Variants in CARS1 observed in about 807,000 individuals in gnomAD.
CARS1 encodes the protein cysteinyl-tRNA synthetase 1.
Under a neutral mutation model 106.2 loss-of-function variants are expected in CARS1, and 48 were observed. The observed-to-expected ratio is 0.45, with a 90% CI of 0.36 to 0.57. The LOEUF is 0.57. CARS1 is among the 20% of genes least tolerant of loss of function. The pLI is 0.00. For missense variants in CARS1, 968 were observed against 1,057.2 expected, an observed-to-expected ratio of 0.92 and a Z score of 1.17; for synonymous variants, 409 against 403.4, an observed-to-expected ratio of 1.01 and a Z score of -0.17.
rs1253626966 is a variant in CARS1 at position 3,043,364 on chromosome 11, C to T, written c.275-1108G>A. 2.0e-5 allele frequency among the ~76,000 whole-genome samples: 3 copies of T among 152,030 alleles called. No individual in the cohort carries two copies. Among genetic ancestry groups the T allele is most frequent in the African/African-American group, 7.2e-5 (3 of 41,396 alleles). On this transcript the variant is annotated intron_variant, in intron 2 of 22. Transcript: ENST00000380525. The surrounding 1 kb of genome is among the most constrained non-coding windows in gnomAD (Gnocchi z 4.0). Reference sequence around the variant, plus strand: ...GGTACCTGGTGACTTTCCCGTTGCCCTCAGCCGGCTCCTGCCTGCCCTGCC... The same window carrying T: ...GGTACCTGGTGACTTTCCCGTTGCCTTCAGCCGGCTCCTGCCTGCCCTGCC...
In CARS1 at chr11:3,039,892, C is replaced by T. The variant is rs934770008; in HGVS notation, c.495G>A (p.Lys165=). ...ISFDILRRVL[K]DYFKFDVFYC... ...AAAAGACATCAAATTTGAAGTAATCCTTCAACACTCTTCTCAAGATATCAA... is the reference window on the plus strand; with the variant it reads ...AAAAGACATCAAATTTGAAGTAATCTTTCAACACTCTTCTCAAGATATCAA... Residue 165 remains lysine (K), a synonymous_variant, in exon 5 of 23, where the codon AAG becomes AAA. Coordinates refer to ENST00000380525, the MANE Select transcript of CARS1 (RefSeq NM_001014437.3). This position sits in a 1 kb window ranked among gnomAD's most constrained non-coding sequence, Gnocchi z 5.6. 1 of 1,590,622 alleles carries T rather than the reference C, an allele frequency of 6.3e-7. No individual in the cohort carries two copies. The highest frequency in any genetic ancestry group is 8.6e-7 in the Non-Finnish European group (1 of 1,167,654).
chr11:3,017,755 C>A lies in CARS1; in HGVS notation c.1727+102G>T. On this transcript the variant is annotated intron_variant, in intron 15 of 22. Coordinates refer to ENST00000380525, the MANE Select transcript of CARS1 (RefSeq NM_001014437.3). This position sits in a 1 kb window ranked among gnomAD's most constrained non-coding sequence, Gnocchi z 4.9. ...TCTGCACAACGTACGACAGTGTCCC[C>A]AGCCCTTCCTCGACAGTCCAGGACA... The A allele has an allele frequency of 1.3e-6, 1 of 771,776 alleles. No homozygotes were observed. Among genetic ancestry groups the A allele is most frequent in the South Asian group, 1.6e-5 (1 of 63,702 alleles). 47.8% of individuals were successfully genotyped at this position (771,776 alleles called of 1,614,324 possible).
intron 2 of CARS1, among the ~76,000 whole-genome samples, chr11:3,047,170 G>A (rs991834757): frequency 7.3e-5 from 11 of 151,624 alleles, no homozygotes; most frequent in South Asian, 2.1e-4. Context: ...CCAGCTACTC[G>A]GGAGGCTGAG....
At chr11:3,032,056 C>T (rs868809174) in intron 7 of CARS1, among the ~76,000 whole-genome samples, 7 of 11,542 alleles carry the variant, frequency 6.1e-4, no homozygotes, top group African/African-American at 1.3e-3. Flanking sequence ...CCCTCCCTCC[C>T]TCCCTCCTTC....
chr11:3,002,727 G>A (rs1849509099), intron 20 of CARS1, 127 bp from the exon 21 acceptor site: 2 of 1,473,728 alleles, frequency 1.4e-6, no homozygotes, highest in South Asian at 1.3e-5. Flanking sequence ...CTCTGACCAG[G>A]CCCTCCCCAC....
At position 3,053,920 on chromosome 11, in the gene CARS1, C is replaced by T. The variant is rs908448160; in HGVS notation, c.25+3423G>A. Among the ~76,000 whole-genome samples the T allele has an allele frequency of 6.6e-6, 1 of 152,186 alleles. No homozygotes were observed. Among genetic ancestry groups the T allele is most frequent in the Non-Finnish European group, 1.5e-5 (1 of 68,040 alleles). On this transcript the variant is annotated intron_variant, in intron 1 of 22. Coordinates refer to ENST00000380525, the MANE Select transcript of CARS1 (RefSeq NM_001014437.3). This position sits in a 1 kb window ranked among gnomAD's most constrained non-coding sequence, Gnocchi z 6.6. ...TCTTGTGGGTGTCCAGGCAACATCTCACCCTGCAGGTTACTCCCTTTCTGC... is the reference window on the plus strand; with the variant it reads ...TCTTGTGGGTGTCCAGGCAACATCTTACCCTGCAGGTTACTCCCTTTCTGC...
rs896401278 is a variant in CARS1 at position 3,021,738 on chromosome 11, C to T, written c.1154-1406G>A. ...ACAAACACACAAAAACACAAAAAACCTCTGCAAGCAAAATCCAGATCTATC... is the reference window on the plus strand; with the variant it reads ...ACAAACACACAAAAACACAAAAAACTTCTGCAAGCAAAATCCAGATCTATC... On this transcript the variant is annotated intron_variant, in intron 10 of 22. Transcript: ENST00000380525. The surrounding 1 kb of genome is among the most constrained non-coding windows in gnomAD (Gnocchi z 5.3). Among the ~76,000 whole-genome samples, 2 of 152,140 alleles carry T rather than the reference C, an allele frequency of 1.3e-5. No homozygotes were observed. Among genetic ancestry groups the T allele is most frequent in the African/African-American group, 4.8e-5 (2 of 41,434 alleles).
Position 3,040,779 on chromosome 11 carries a change from G to T in CARS1, c.455+117C>A. 2 of 1,049,136 alleles carry T rather than the reference G, an allele frequency of 1.9e-6. No individual in the cohort carries two copies. The highest frequency in any genetic ancestry group is 1.5e-5 in the South Asian group (1 of 65,778). 65.0% of individuals were successfully genotyped at this position (1,049,136 alleles called of 1,614,324 possible). A position where few individuals can be genotyped will look rare whatever the true frequency, so the allele number is the denominator to read the frequency against. On this transcript the variant is annotated intron_variant, in intron 4 of 22. Transcript: ENST00000380525. This position sits in a 1 kb window ranked among gnomAD's most constrained non-coding sequence, Gnocchi z 5.8. ...TTCAGTCTTGATTCCTCAAATCTCAGGTCTCTGTAGCAGATCTAAGATCTT... is the reference window on the plus strand; with the variant it reads ...TTCAGTCTTGATTCCTCAAATCTCATGTCTCTGTAGCAGATCTAAGATCTT...
chr11:3,005,303 TA>T, intron 20 of CARS1, 62 bp downstream of exon 20: 1 of 1,210,560 alleles, frequency 8.3e-7, no homozygotes, highest in Admixed American at 1.8e-5. Flanking sequence ...AACTATGTAA[TA>T]ATCGCAATGG....
At chr11:3,024,967 A>G (rs1197111119) in intron 10 of CARS1, among the ~76,000 whole-genome samples, 1 of 152,152 alleles carries the variant, frequency 6.6e-6, no homozygotes, top group Non-Finnish European at 1.5e-5. Context: ...AACCTTTCAT[A>G]TCCGTATTAA....
At position 3,028,945 on chromosome 11, in the gene CARS1, T is replaced by G; in HGVS notation, c.1031+51A>C. ...GGCTCAGAGCTGGGGAGCTCCTCCC[T>G]GTGCGATGTTCTGCAGCCCTTCCCT... On this transcript the variant is annotated intron_variant, in intron 9 of 22. Coordinates refer to ENST00000380525, the MANE Select transcript of CARS1 (RefSeq NM_001014437.3). This position sits in a 1 kb window ranked among gnomAD's most constrained non-coding sequence, Gnocchi z 4.4. 3.2e-6 allele frequency: 4 copies of G among 1,263,196 alleles called. No homozygotes were observed. Among genetic ancestry groups the G allele is most frequent in the Non-Finnish European group, 4.6e-6 (4 of 861,454 alleles). The allele number at this position is 1,263,196 out of a possible 1,614,324, so 78.2% of individuals were successfully genotyped here.
Position 3,047,896 on chromosome 11 carries a change from G to A in CARS1, c.131C>T (p.Ser44Phe), listed in dbSNP as rs1855271241. 1 of 1,614,192 alleles carries A rather than the reference G, an allele frequency of 6.2e-7. No homozygotes were observed. The highest frequency in any genetic ancestry group is 1.3e-5 in the African/African-American group (1 of 75,060). ...TRSYVQGYSL[S>F]QADVDAFRQL... ...CCTGAACGCGTCCACGTCTGCCTGGGACAGTGAGTACCCCTGGACATAGCT... is the reference window on the plus strand; with the variant it reads ...CCTGAACGCGTCCACGTCTGCCTGGAACAGTGAGTACCCCTGGACATAGCT... The change falls in exon 2 of 23, where the codon TCC becomes TTC. Residue 44 changes from serine to phenylalanine, a missense_variant. Ser to Phe is a radical substitution (Grantham distance 155). Coordinates refer to ENST00000380525, the MANE Select transcript of CARS1 (RefSeq NM_001014437.3).
intron 1 of CARS1, among the ~76,000 whole-genome samples, chr11:3,054,520 T>C (rs1286243582): frequency 6.6e-6 from 1 of 152,260 alleles, no homozygotes; most frequent in African/African-American, 2.4e-5. Context: ...TTTATTCTCG[T>C]CTGCCTTAAC....
intron 17 of CARS1, among the ~76,000 whole-genome samples, chr11:3,012,718 C>T (rs778320469): frequency 6.6e-6 from 1 of 152,120 alleles, no homozygotes; most frequent in South Asian, 2.1e-4. Flanking sequence ...GCTCCCGGGC[C>T]GTGCTTTCGT....
chr11:3,054,409 T>C (rs989936618), intron 1 of CARS1, among the ~76,000 whole-genome samples: 2 of 152,198 alleles, frequency 1.3e-5, no homozygotes, highest in Admixed American at 6.5e-5. Flanking sequence ...ACCCCAAGGG[T>C]ACTGCCTAAG....
At position 3,040,663 on chromosome 11, in the gene CARS1, A is replaced by AC. The variant is rs1448197648; in HGVS notation, c.455+232dup. 3 of 686,270 alleles carry AC rather than the reference A, an allele frequency of 4.4e-6. No homozygotes were observed. In the African/African-American group the frequency reaches 5.3e-5, roughly 12 times the overall value. The allele number at this position is 686,270 out of a possible 1,614,324, so 42.5% of individuals were successfully genotyped here. ...CAGCATGTTAGCAGTGGGGCTATGG[A>AC]CATTTTCTTTTTGGTGATCTGTAGT... On this transcript the variant is annotated intron_variant, in intron 4 of 22. Transcript: ENST00000380525. This position sits in a 1 kb window ranked among gnomAD's most constrained non-coding sequence, Gnocchi z 5.8.
At chr11:3,023,216 G>T (rs1277245283) in intron 10 of CARS1, among the ~76,000 whole-genome samples, 1 of 152,138 alleles carries the variant, frequency 6.6e-6, no homozygotes, top group African/African-American at 2.4e-5. Flanking sequence ...CACGTGACCT[G>T]AGGGCACTGC....
chr11:3,016,098 G>C (rs1850963683), intron 16 of CARS1, among the ~76,000 whole-genome samples: 2 of 152,162 alleles, frequency 1.3e-5, no homozygotes, highest in South Asian at 4.1e-4. Flanking sequence ...CCAACAACAA[G>C]GAAAGAGGAG....
chr11:3,028,839 GC>G lies in CARS1; in HGVS notation c.1031+156del. 1.6e-6 allele frequency: 1 copy of G among 637,618 alleles called. No individual in the cohort carries two copies. Among genetic ancestry groups the G allele is most frequent in the South Asian group, 1.8e-5 (1 of 54,678 alleles). The allele number at this position is 637,618 out of a possible 1,614,324, so 39.5% of individuals were successfully genotyped here. A position where few individuals can be genotyped will look rare whatever the true frequency, so the allele number is the denominator to read the frequency against. ...CCCATGCTCCTCAGCCCCTGGGTGG[GC>G]CCAGAGTTGTAGGAGGAAGTCTGCT... On this transcript the variant is annotated intron_variant, in intron 9 of 22. Transcript: ENST00000380525. The surrounding 1 kb of genome is among the most constrained non-coding windows in gnomAD (Gnocchi z 4.4).
Sources: gnomAD v4.1 joint callset for allele counts (sites outside exome capture counted in the v4.1 genomes callset) on GRCh38, gnomAD v4.1.1 for gene constraint, Gnocchi (gnomAD v3.1) non-coding constraint, MANE v1.5 for transcripts, NCBI Gene and HGNC (gene_info 2026-07-23, HGNC 2026-07-21) for gene names.